The following PRPS1 variants were observed in gnomAD, a reference collection of about 807,000 sequenced individuals.
PRPS1 encodes ribose-phosphate pyrophosphokinase 1.
A neutral mutation model predicts 16.9 loss-of-function variants in PRPS1; 1 was observed. The ratio of observed to expected loss-of-function variants is 0.06; its 90% CI spans 0.02 to 0.28. The LOEUF (loss-of-function observed/expected upper bound fraction) is 0.28. Among genes scored for constraint, PRPS1 ranks in the 10% least tolerant of loss-of-function variants. The pLI is 1.00. For synonymous variants in PRPS1, 70 were observed against 90.2 expected (o/e 0.78, Z 1.27); for missense variants, 47 against 254.0 (o/e 0.19, Z 5.54).
At position 107,645,289 on chromosome X, in the gene PRPS1, G is replaced by A. The variant is rs905676241; in HGVS notation, c.643G>A (p.Val215Met). ...GCTTGTGGGAGATGTGAAGGATCGG[G>A]TGGCCATCCTTGTGGATGACATGGC... Reference protein sequence around the residue: ...MVLVGDVKDRVAILVDDMADT... With the variant: ...MVLVGDVKDRMAILVDDMADT... The change falls in exon 5 of 7, where the codon GTG becomes ATG. Residue 215 changes from valine to methionine, a missense_variant. This residue lies in a region of PRPS1 where 26 missense variants were observed against 70.2 expected (regional missense o/e 0.37). Transcript: ENST00000372435. 1.7e-6 allele frequency: 2 copies of A among 1,211,974 alleles called. No individual in the cohort carries two copies. The highest frequency in any genetic ancestry group is 2.2e-6 in the Non-Finnish European group (2 of 895,553).
At chrX:107,639,038 C>T (rs1168485578) in intron 1 of PRPS1, among the ~76,000 whole-genome samples, 1 of 112,202 alleles carries the variant, frequency 8.9e-6, no homozygotes, top group Non-Finnish European at 1.9e-5. Flanking sequence ...CCCAGCCCTG[C>T]CATATACTTT....
rs1249519151 is a variant in PRPS1, at chrX:107,642,509, T to G, written c.530+19T>G. On this transcript the variant is annotated intron_variant, in intron 4 of 6. Transcript: ENST00000372435. Reference sequence around the variant, plus strand: ...CTAAGAGGTATGGTTGAAATTAGTATTGTTCCCAATGTACTGGGAAAATCT... The same window carrying G: ...CTAAGAGGTATGGTTGAAATTAGTAGTGTTCCCAATGTACTGGGAAAATCT... 1 of 1,210,664 alleles carries G rather than the reference T, an allele frequency of 8.3e-7. No homozygotes were observed. The highest frequency in any genetic ancestry group is 2.2e-5 in the Admixed American group (1 of 45,982).
At position 107,650,804 on chromosome X, in the gene PRPS1, A is replaced by T; in HGVS notation, c.*772A>T. ...TCCTGCTATGTAATTGCTAACATTC[A>T]TATTAGATGATGTGCTGTAGCTTGA... is the stretch of plus-strand genomic sequence containing the variant. On this transcript the variant is annotated 3_prime_UTR_variant, in exon 7 of 7. Transcript: ENST00000372435. 1 of 295,236 alleles carries T rather than the reference A, an allele frequency of 3.4e-6. No homozygotes were observed. The highest frequency in any genetic ancestry group is 5.9e-6 in the Non-Finnish European group (1 of 168,983). 24.3% of individuals were successfully genotyped at this position (295,236 alleles called of 1,213,427 possible).
intron 3 of PRPS1, among the ~76,000 whole-genome samples, chrX:107,641,915 T>C (rs1222385829): frequency 3.6e-5 from 4 of 112,581 alleles, no homozygotes; most frequent in South Asian, 7.3e-4. Flanking sequence ...TGATTTCTAA[T>C]TATTCACTGT....
chrX:107,647,222 T>A (rs149278242), intron 5 of PRPS1, among the ~76,000 whole-genome samples: 1,159 of 112,330 alleles, frequency 0.01, 4 homozygotes, highest in Non-Finnish European at 0.016. Flanking sequence ...TGGCCAGCAT[T>A]TCCCCATGCG....
Position 107,647,612 on chromosome X carries a change from C to G in PRPS1, c.711C>G (p.Leu237=). Reference sequence around the variant, plus strand: ...CAACATTTTTTCCCTCTAGACTTCTCTCAGCTGGCGCCACCAGAGTTTATG... The same window carrying G: ...CAACATTTTTTCCCTCTAGACTTCTGTCAGCTGGCGCCACCAGAGTTTATG... ...GTICHAADKL[L]SAGATRVYAI... Residue 237 remains leucine, a synonymous_variant, in exon 6 of 7, where the codon CTC becomes CTG. Transcript: ENST00000372435. The G allele has an allele frequency of 1.7e-6, 2 of 1,211,444 alleles. No homozygotes were observed. The highest frequency in any genetic ancestry group is 2.2e-6 in the Non-Finnish European group (2 of 895,338).
chrX:107,631,087 A>G (rs1228879013), intron 1 of PRPS1, among the ~76,000 whole-genome samples: 1 of 112,337 alleles, frequency 8.9e-6, no homozygotes, highest in Non-Finnish European at 1.9e-5. Flanking sequence ...CCTCCCAGAT[A>G]TTTGTGTAAG....
intron 3 of PRPS1, 66 bp downstream of exon 3, chrX:107,641,066 T>C (rs1398309795): frequency 8.3e-7 from 1 of 1,211,127 alleles, no homozygotes. Flanking sequence ...TGCTGAAGAC[T>C]GCAGAGAAGC....
chrX:107,630,452 T>C (rs1217079136), intron 1 of PRPS1, among the ~76,000 whole-genome samples: 1 of 112,236 alleles, frequency 8.9e-6, no homozygotes, highest in Non-Finnish European at 1.9e-5. Flanking sequence ...AGTTTTCTAC[T>C]GATTGATTTC....
At chrX:107,635,465 A>C (rs988888343) in intron 1 of PRPS1, among the ~76,000 whole-genome samples, 1 of 106,754 alleles carries the variant, frequency 9.4e-6, no homozygotes, top group Non-Finnish European at 1.9e-5. Context: ...TTTTTGAGAC[A>C]GTGTCTCACT....
chrX:107,647,580 T>C (rs766560967), intron 5 of PRPS1, 26 bp from the exon 6 acceptor site: 2 of 1,209,677 alleles, frequency 1.7e-6, no homozygotes, highest in South Asian at 1.8e-5. Flanking sequence ...GTAAGATGAA[T>C]CCAAATCAAC....
intron 4 of PRPS1, among the ~76,000 whole-genome samples, chrX:107,644,720 G>T (rs780661486): frequency 1.0e-3 from 115 of 112,031 alleles, no homozygotes; most frequent in Non-Finnish European, 1.7e-3. Context: ...AGAAGTCAAT[G>T]ATAGTTGCTT....
chrX:107,634,236 A>T (rs934019791), intron 1 of PRPS1, among the ~76,000 whole-genome samples: 3 of 109,557 alleles, frequency 2.7e-5, no homozygotes, highest in Non-Finnish European at 5.7e-5. Flanking sequence ...TTTTTTTGAG[A>T]TGGAGTCTAG....
intron 1 of PRPS1, among the ~76,000 whole-genome samples, chrX:107,634,980 C>T (rs1288394487): frequency 9.1e-6 from 1 of 109,793 alleles, no homozygotes; most frequent in East Asian, 2.9e-4. Context: ...GCTGGGACTA[C>T]AGGCGCCCGC....
At chrX:107,636,709 A>G (rs1248969911) in intron 1 of PRPS1, 1 of 111,620 alleles carries the variant, frequency 9.0e-6, no homozygotes, top group African/African-American at 3.3e-5. Context: ...GCTCCCTTTC[A>G]TCTTGGGTTA....
intron 1 of PRPS1, among the ~76,000 whole-genome samples, chrX:107,631,744 T>G (rs190873476): frequency 8.9e-6 from 1 of 112,004 alleles, no homozygotes; most frequent in Admixed American, 9.5e-5. Context: ...AGGAGTGCAG[T>G]GGTGCGATCT....
chrX:107,642,281 C>CT, intron 3 of PRPS1, 85 bp from the exon 4 acceptor site: 1 of 1,155,737 alleles, frequency 8.7e-7, no homozygotes, highest in Non-Finnish European at 1.2e-6. Flanking sequence ...AAGACATTCT[C>CT]TGAGCAAGTT....
chrX:107,634,466 C>T (rs1925380890), intron 1 of PRPS1, among the ~76,000 whole-genome samples: 1 of 108,032 alleles, frequency 9.3e-6, no homozygotes, highest in Non-Finnish European at 1.9e-5. Context: ...CTCCTGACCT[C>T]AGGTGATCTG....
chrX:107,649,529 A>G (rs1658204419), intron 6 of PRPS1, among the ~76,000 whole-genome samples: 1 of 112,505 alleles, frequency 8.9e-6, no homozygotes, highest in Non-Finnish European at 1.9e-5. Context: ...ATCTTGGCTC[A>G]CCGCAACCTC....
Sources: gnomAD v4.1 joint callset for allele counts (sites outside exome capture counted in the v4.1 genomes callset) on GRCh38, gnomAD v4.1.1 for gene constraint, gnomAD v4.1.1 regional missense constraint, MANE v1.5 for transcripts, NCBI Gene and HGNC (gene_info 2026-07-23, HGNC 2026-07-21) for gene names.